UBE3C: variants seen among roughly 807,000 people sequenced by gnomAD.
UBE3C encodes ubiquitin protein ligase E3C.
UBE3C carries 42 observed loss-of-function variants against 129.4 expected under a neutral mutation model. The observed-to-expected ratio is 0.32, with a 90% CI of 0.25 to 0.42. The LOEUF (loss-of-function observed/expected upper bound fraction) is 0.42. Ranked by LOEUF, UBE3C falls within the 10% of genes least tolerant of loss-of-function variation. The pLI, the probability that UBE3C is intolerant of heterozygous loss-of-function variation, is 1.00. For synonymous variants in UBE3C, 510 were observed against 492.4 expected (o/e 1.04, Z -0.47); for missense variants, 1,049 against 1,319.1 (o/e 0.80, Z 3.17).
intron 18 of UBE3C, among the ~76,000 whole-genome samples, chr7:157,237,097 A>G (rs1057390239): frequency 6.6e-6 from 1 of 152,198 alleles, no homozygotes; most frequent in African/African-American, 2.4e-5. Context: ...TTTAGATTCT[A>G]CAGTTAAAAT....
intron 18 of UBE3C, among the ~76,000 whole-genome samples, chr7:157,236,794 C>T (rs955568395): frequency 1.2e-4 from 18 of 151,616 alleles, no homozygotes; most frequent in Non-Finnish European, 2.5e-4. Context: ...TGCAGTGGTG[C>T]GATCTTGGCT....
chr7:157,242,912 G>A (rs1325233815), intron 18 of UBE3C, among the ~76,000 whole-genome samples: 2 of 152,086 alleles, frequency 1.3e-5, no homozygotes, highest in African/African-American at 4.8e-5. Flanking sequence ...AAAATAAGCT[G>A]GGCGTGGTGG....
intron 1 of UBE3C, among the ~76,000 whole-genome samples, chr7:157,148,879 A>T (rs1306738887): frequency 1.3e-5 from 2 of 151,342 alleles, no homozygotes; most frequent in Non-Finnish European, 2.9e-5. Context: ...CCTCCTGAGG[A>T]GCTGGAACTC....
chr7:157,244,125 G>A (rs956202368), intron 18 of UBE3C, among the ~76,000 whole-genome samples: 3 of 152,126 alleles, frequency 2.0e-5, no homozygotes, highest in Non-Finnish European at 2.9e-5. Flanking sequence ...AGCTGCTCGC[G>A]AGGCTGAGGC....
intron 1 of UBE3C, among the ~76,000 whole-genome samples, chr7:157,161,102 C>T (rs575899867): frequency 6.6e-6 from 1 of 152,240 alleles, no homozygotes; most frequent in African/African-American, 2.4e-5. Context: ...GGATAGGATT[C>T]TAGAACAGAT....
In UBE3C at chr7:157,261,188, C is replaced by T. The variant is rs187853648; in HGVS notation, c.3081+4144C>T. On this transcript the variant is annotated intron_variant, in intron 22 of 22. Coordinates refer to ENST00000348165, the MANE Select transcript of UBE3C (RefSeq NM_014671.3). ...GGGCATGGTGGTGCATGCCTGTAGT[C>T]CCAGCTACTTGGGAGGCTGAGGCAG... 4.1e-4 allele frequency among the ~76,000 whole-genome samples: 62 copies of T among 151,896 alleles called. 2 individuals carry two copies. The East Asian group carries it at 0.012, about 29-fold the overall frequency.
chr7:157,208,055 CTTTTTTTTTTTTTTTTTTTT>C (rs35366316), intron 13 of UBE3C, 120 bp downstream of exon 13: 43,798 of 93,696 alleles, frequency 0.47, 6,411 homozygotes, highest in African/African-American at 0.61. Context: ...ATTTGCAAGA[CTTTTTTTTTTTTTTTTTTTT>C]TTTTTTTTTT....
At chr7:157,247,407 T>G (rs924085294) in intron 18 of UBE3C, among the ~76,000 whole-genome samples, 12 of 152,168 alleles carry the variant, frequency 7.9e-5, no homozygotes, top group African/African-American at 2.9e-4. Flanking sequence ...TTAGAAAACT[T>G]TTGGCCGGGC....
At chr7:157,246,957 C>A (rs1796492701) in intron 18 of UBE3C, among the ~76,000 whole-genome samples, 1 of 152,234 alleles carries the variant, frequency 6.6e-6, no homozygotes, top group South Asian at 2.1e-4. Context: ...GTGGCACAAT[C>A]TCGGCTCACT....
At chr7:157,228,059 G>T (rs1795926300) in intron 17 of UBE3C, among the ~76,000 whole-genome samples, 1 of 152,190 alleles carries the variant, frequency 6.6e-6, no homozygotes. Flanking sequence ...GTGCATTTTT[G>T]ACTAAAAATT....
intron 22 of UBE3C, among the ~76,000 whole-genome samples, chr7:157,264,863 C>T (rs1422344811): frequency 6.6e-6 from 1 of 152,172 alleles, no homozygotes; most frequent in East Asian, 1.9e-4. Context: ...TGAGCCACTG[C>T]TCCTGGTCAC....
chr7:157,213,050 G>GGCTCA (rs1208911298), intron 13 of UBE3C, among the ~76,000 whole-genome samples: 1 of 152,132 alleles, frequency 6.6e-6, no homozygotes, highest in Non-Finnish European at 1.5e-5. Flanking sequence ...GAGCCACCAC[G>GGCTCA]CCCGGCAGTG....
intron 2 of UBE3C, among the ~76,000 whole-genome samples, chr7:157,168,734 A>G (rs1808285656): frequency 6.6e-6 from 1 of 152,262 alleles, no homozygotes; most frequent in South Asian, 2.1e-4. Flanking sequence ...AGTGTCCAGA[A>G]TAAGCACATC....
At position 157,199,172 on chromosome 7, in the gene UBE3C, AT is replaced by A. The variant is rs1214606461; in HGVS notation, c.1332-2543del. On this transcript the variant is annotated intron_variant, in intron 10 of 22. Coordinates refer to ENST00000348165, the MANE Select transcript of UBE3C (RefSeq NM_014671.3). ...TTTTGCCTTGTTTTGTTTTAATAAC[AT>A]TTTTTAAAAACTCAATTTCTCAACT... Among the ~76,000 whole-genome samples, 9 of 152,356 alleles carry A rather than the reference AT, an allele frequency of 5.9e-5. No individual in the cohort carries two copies. In the South Asian group the frequency reaches 1.9e-3, roughly 32 times the overall value.
intron 18 of UBE3C, among the ~76,000 whole-genome samples, chr7:157,241,943 G>T (rs1377338866): frequency 2.6e-5 from 4 of 152,212 alleles, no homozygotes; most frequent in Admixed American, 2.6e-4. Flanking sequence ...TATATGAAAT[G>T]TCCAAAACAG....
intron 2 of UBE3C, among the ~76,000 whole-genome samples, chr7:157,168,567 A>G (rs1473822642): frequency 1.3e-5 from 2 of 152,252 alleles, no homozygotes; most frequent in Non-Finnish European, 2.9e-5. Flanking sequence ...TGAATGGAGG[A>G]ATTCAACGTG....
chr7:157,180,583 A>T (rs1382268141), intron 6 of UBE3C, among the ~76,000 whole-genome samples: 1 of 122,374 alleles, frequency 8.2e-6, no homozygotes, highest in Non-Finnish European at 1.8e-5. Context: ...GTGCTACCAA[A>T]TACGCTTGTA....
Position 157,139,358 on chromosome 7 carries a change from G to A in UBE3C, c.66+20G>A. Reference sequence around the variant, plus strand: ...AGGAAGGTGAGGGCCGGGCTGGCGGGGCGCCCTCGGCTCGGGGCCTGCGCG... The same window carrying A: ...AGGAAGGTGAGGGCCGGGCTGGCGGAGCGCCCTCGGCTCGGGGCCTGCGCG... On this transcript the variant is annotated intron_variant, in intron 1 of 22. Transcript: ENST00000348165. 1 of 1,559,110 alleles carries A rather than the reference G, an allele frequency of 6.4e-7. No homozygotes were observed. Among genetic ancestry groups the A allele is most frequent in the South Asian group, 1.2e-5 (1 of 86,366 alleles).
At chr7:157,221,771 G>A (rs1795743326) in intron 15 of UBE3C, 1 of 152,138 alleles carries the variant, frequency 6.6e-6, no homozygotes, top group Non-Finnish European at 1.5e-5. Flanking sequence ...GTAAAAGGTG[G>A]GAAATGGTAT....
Sources: allele counts gnomAD v4.1 joint callset (sites outside exome capture counted in the v4.1 genomes callset), GRCh38; gene constraint gnomAD v4.1.1; transcripts MANE v1.5; gene names NCBI Gene and HGNC (gene_info 2026-07-23, HGNC 2026-07-21).